PIP5K1B: variants seen among roughly 807,000 people sequenced by gnomAD.
PIP5K1B encodes phosphatidylinositol 4-phosphate 5-kinase type-1 beta.
Under a neutral mutation model 67.0 loss-of-function variants are expected in PIP5K1B, and 42 were observed. That is an observed-to-expected ratio of 0.63 (90% CI 0.49 to 0.81). PIP5K1B has a LOEUF of 0.81. PIP5K1B is among the 30% of genes least tolerant of loss of function. The pLI is 0.00. For missense variants in PIP5K1B, 459 were observed against 646.3 expected, an observed-to-expected ratio of 0.71 and a Z score of 3.14; for synonymous variants, 214 against 231.4, an observed-to-expected ratio of 0.92 and a Z score of 0.68.
intron 2 of PIP5K1B, among the ~76,000 whole-genome samples, chr9:68,759,589 C>A (rs1830096612): frequency 6.6e-6 from 1 of 151,878 alleles, no homozygotes; most frequent in Non-Finnish European, 1.5e-5. Context: ...TAAATCCAAC[C>A]ATATCAAAAA....
chr9:68,935,762 T>C (rs1191790255), intron 13 of PIP5K1B: 2 of 152,238 alleles, frequency 1.3e-5, no homozygotes, highest in African/African-American at 2.4e-5. Flanking sequence ...TTTAATGATT[T>C]ATTTTTTGGT....
intron 1 of PIP5K1B, among the ~76,000 whole-genome samples, chr9:68,734,150 A>G (rs1441229622): frequency 6.6e-6 from 1 of 152,218 alleles, no homozygotes; most frequent in African/African-American, 2.4e-5. Flanking sequence ...TTATTGTTAA[A>G]AACTCAATGT....
At chr9:68,868,438 G>T (rs1239540148) in intron 5 of PIP5K1B, among the ~76,000 whole-genome samples, 1 of 152,128 alleles carries the variant, frequency 6.6e-6, no homozygotes, top group Non-Finnish European at 1.5e-5. Context: ...TTTGGTATAT[G>T]AAATAATTTG....
chr9:68,973,634 A>T (rs1191760495), intron 14 of PIP5K1B, among the ~76,000 whole-genome samples: 1 of 152,338 alleles, frequency 6.6e-6, no homozygotes. Flanking sequence ...TTCTTAACCA[A>T]GGGCCTAATC....
intron 2 of PIP5K1B, among the ~76,000 whole-genome samples, chr9:68,754,505 A>G (rs1443145179): frequency 1.3e-5 from 2 of 152,054 alleles, no homozygotes; most frequent in Non-Finnish European, 2.9e-5. Context: ...CTGTACACCT[A>G]TCTTTTGAAT....
At chr9:68,993,360 C>T (rs576988760) in intron 15 of PIP5K1B, among the ~76,000 whole-genome samples, 2 of 152,288 alleles carry the variant, frequency 1.3e-5, no homozygotes, top group East Asian at 3.9e-4. Context: ...TTCTTTTCCA[C>T]CTATCCCATG....
rs992630447 is a variant in PIP5K1B, at chr9:68,740,161, A to G, written c.-242-2340A>G. 9.2e-5 allele frequency among the ~76,000 whole-genome samples: 14 copies of G among 152,228 alleles called. 1 individual carries two copies. The highest frequency in any genetic ancestry group is 3.3e-4 in the Admixed American group (5 of 15,288). ...TGTGTGGCCCAAGGCTCTGCTATATATGTGTTTGCATCCAGTGTCTGAATT... is the reference window on the plus strand; with the variant it reads ...TGTGTGGCCCAAGGCTCTGCTATATGTGTGTTTGCATCCAGTGTCTGAATT... On this transcript the variant is annotated intron_variant, in intron 1 of 15. Transcript: ENST00000265382.
intron 1 of PIP5K1B, among the ~76,000 whole-genome samples, chr9:68,723,549 A>T (rs1297388347): frequency 1.3e-5 from 2 of 151,602 alleles, no homozygotes; most frequent in Non-Finnish European, 2.9e-5. Flanking sequence ...CTGGGGTGAG[A>T]TGTTATCCCG....
At chr9:68,956,514 G>A (rs1221096558) in intron 14 of PIP5K1B, among the ~76,000 whole-genome samples, 1 of 152,186 alleles carries the variant, frequency 6.6e-6, no homozygotes, top group Non-Finnish European at 1.5e-5. Context: ...CTCATGAAAT[G>A]TGCCTGTAGT....
At chr9:68,816,349 G>A (rs1203736955) in intron 2 of PIP5K1B, among the ~76,000 whole-genome samples, 2 of 152,002 alleles carry the variant, frequency 1.3e-5, no homozygotes, top group South Asian at 2.1e-4. Flanking sequence ...GGCTGGTCTC[G>A]AACTCCTGAC....
chr9:68,750,055 G>T (rs776809648), intron 2 of PIP5K1B, among the ~76,000 whole-genome samples: 3 of 152,224 alleles, frequency 2.0e-5, no homozygotes, highest in Non-Finnish European at 4.4e-5. Context: ...TTCAAATGAT[G>T]TAATATGTGT....
In PIP5K1B at chr9:68,925,795, A is replaced by ATTTTTTTTTTTTC. The variant is rs374081605; in HGVS notation, c.1201+2421_1201+2422insCTTTTTTTTTTTT. On this transcript the variant is annotated intron_variant, in intron 12 of 15. Transcript: ENST00000265382. ...ACATGAATACCAGCTTGTGGTTCCA[A>ATTTTTTTTTTTTC]TTTTTTTTTTTTTTTTTTTTGAGAC... 1.0e-3 allele frequency among the ~76,000 whole-genome samples: 76 copies of ATTTTTTTTTTTTC among 73,276 alleles called. 4 individuals carry two copies. Among genetic ancestry groups the ATTTTTTTTTTTTC allele is most frequent in the South Asian group, 3.9e-3 (6 of 1,528 alleles). The allele number at this position is 73,276 out of a possible 152,430, so 48.1% of individuals were successfully genotyped here. A position where few individuals can be genotyped will look rare whatever the true frequency, so the allele number is the denominator to read the frequency against.
At chr9:68,958,540 T>C (rs924639538) in intron 14 of PIP5K1B, among the ~76,000 whole-genome samples, 1 of 152,242 alleles carries the variant, frequency 6.6e-6, no homozygotes, top group Admixed American at 6.5e-5. Flanking sequence ...TTTTTCTCAG[T>C]ATTCATTTTT....
intron 8 of PIP5K1B, among the ~76,000 whole-genome samples, chr9:68,903,117 A>G (rs547387692): frequency 2.6e-5 from 4 of 152,256 alleles, no homozygotes; most frequent in East Asian, 1.9e-4. Context: ...TAATTACTTG[A>G]TTACATGTTT....
At chr9:68,976,443 C>T (rs571166593) in intron 14 of PIP5K1B, among the ~76,000 whole-genome samples, 1 of 152,160 alleles carries the variant, frequency 6.6e-6, no homozygotes, top group Non-Finnish European at 1.5e-5. Flanking sequence ...CAATGTCTTA[C>T]CCAAATACAG....
At chr9:68,933,386 C>T (rs1827101236) in intron 12 of PIP5K1B, among the ~76,000 whole-genome samples, 1 of 152,180 alleles carries the variant, frequency 6.6e-6, no homozygotes, top group South Asian at 2.1e-4. Flanking sequence ...AGTGTAACCA[C>T]TGTTTGAGAG....
intron 14 of PIP5K1B, chr9:68,963,067 A>G (rs1828831845): frequency 2.5e-6 from 1 of 403,240 alleles, no homozygotes; most frequent in Non-Finnish European, 5.0e-6. Flanking sequence ...TATTTGATTT[A>G]GATTATTACT....
chr9:68,742,311 T>C (rs1829049741), intron 1 of PIP5K1B, 190 bp from the exon 2 acceptor site: 1 of 152,226 alleles, frequency 6.6e-6, no homozygotes, highest in African/African-American at 2.4e-5. Context: ...TTGAGAGTTG[T>C]GGACCAGTCA....
chr9:68,881,444 G>T (rs926418203), intron 6 of PIP5K1B, among the ~76,000 whole-genome samples: 7 of 152,144 alleles, frequency 4.6e-5, no homozygotes, highest in Admixed American at 2.0e-4. Context: ...GTCAAACTGG[G>T]GCTACTCAAA....
Sources: allele counts gnomAD v4.1 joint callset (sites outside exome capture counted in the v4.1 genomes callset), GRCh38; gene constraint gnomAD v4.1.1; transcripts MANE v1.5; gene names NCBI Gene and HGNC (gene_info 2026-07-23, HGNC 2026-07-21).